The following TMEM108 variants were observed in gnomAD, a reference collection of about 807,000 sequenced individuals.
TMEM108 encodes the protein cancer/testis antigen 124.
A neutral mutation model predicts 35.1 loss-of-function variants in TMEM108; 12 were observed. The observed-to-expected ratio is 0.34, with a 90% CI of 0.22 to 0.55. The LOEUF (loss-of-function observed/expected upper bound fraction) is 0.55, where lower values mean the gene tolerates loss of function less well. Among genes scored for constraint, TMEM108 ranks in the 20% least tolerant of loss-of-function variants. TMEM108 has a pLI of 0.89. For synonymous variants in TMEM108, 287 were observed against 308.6 expected (o/e 0.93, Z 0.73); for missense variants, 680 against 753.3 (o/e 0.90, Z 1.14).
chr3:133,281,666 G>A (rs1946914674), intron 3 of TMEM108, among the ~76,000 whole-genome samples: 1 of 152,200 alleles, frequency 6.6e-6, no homozygotes, highest in Admixed American at 6.5e-5. Flanking sequence ...CGGAGGGCTG[G>A]TTCAGGGTAG....
At chr3:133,269,831 T>C (rs1490005916) in intron 3 of TMEM108, among the ~76,000 whole-genome samples, 2 of 152,144 alleles carry the variant, frequency 1.3e-5, no homozygotes, top group African/African-American at 4.8e-5. Flanking sequence ...CCTCTGGGGT[T>C]CCCAAGGAAT....
In TMEM108 at chr3:133,367,923, A is replaced by G. The variant is rs560318251; in HGVS notation, c.41-11829A>G. The stretch of plus-strand genomic sequence containing the variant: ...GGAGGATGTCAGGTCAAAAGCCCCA[A>G]TGTTCTTTTTAGGTAAGTGATTCTC... On this transcript the variant is annotated intron_variant, in intron 3 of 5. Transcript: ENST00000321871. Among the ~76,000 whole-genome samples, 10 of 152,208 alleles carry G rather than the reference A, an allele frequency of 6.6e-5. No homozygotes were observed. In the South Asian group the frequency reaches 8.3e-4, roughly 13 times the overall value.
chr3:133,203,484 T>C (rs1358515996), intron 2 of TMEM108, among the ~76,000 whole-genome samples: 1 of 152,336 alleles, frequency 6.6e-6, no homozygotes, highest in East Asian at 1.9e-4. Context: ...TCCTAGTTTA[T>C]TGAGAGTTTT....
chr3:133,386,768 A>C, intron 4 of TMEM108: 3 of 1,129,756 alleles, frequency 2.7e-6, no homozygotes, highest in Non-Finnish European at 3.3e-6. Context: ...TGTCATCTCT[A>C]TACCCTCCGG....
At chr3:133,243,196 C>A (rs1227121761) in intron 3 of TMEM108, among the ~76,000 whole-genome samples, 1 of 151,922 alleles carries the variant, frequency 6.6e-6, no homozygotes, top group Non-Finnish European at 1.5e-5. Flanking sequence ...AGGGACAGCC[C>A]CTGAGCCTGA....
chr3:133,307,248 G>A (rs1328387307), intron 3 of TMEM108, among the ~76,000 whole-genome samples: 1 of 152,124 alleles, frequency 6.6e-6, no homozygotes, highest in East Asian at 1.9e-4. Context: ...ATTTGTTTAA[G>A]TTCTTTGTAG....
intron 3 of TMEM108, among the ~76,000 whole-genome samples, chr3:133,315,508 TG>T (rs1409620457): frequency 6.6e-6 from 1 of 152,210 alleles, no homozygotes; most frequent in Admixed American, 6.5e-5. Flanking sequence ...CATGAGAGCT[TG>T]GGTCTGTGGT....
At chr3:133,358,203 G>T (rs1427135921) in intron 3 of TMEM108, among the ~76,000 whole-genome samples, 1 of 149,410 alleles carries the variant, frequency 6.7e-6, no homozygotes, top group African/African-American at 2.5e-5. Context: ...ATGAAGTCTT[G>T]CTCTGTCACC....
At chr3:133,317,771 TAGC>T (rs1472177749) in intron 3 of TMEM108, among the ~76,000 whole-genome samples, 1 of 152,176 alleles carries the variant, frequency 6.6e-6, no homozygotes, top group African/African-American at 2.4e-5. Context: ...GTTGGGGACA[TAGC>T]AGCAAACAAA....
intron 2 of TMEM108, among the ~76,000 whole-genome samples, chr3:133,095,214 A>G (rs1576315507): frequency 1.3e-5 from 2 of 152,228 alleles, no homozygotes; most frequent in African/African-American, 4.8e-5. Flanking sequence ...ATAATGGAGT[A>G]TAAGAGGATT....
intron 2 of TMEM108, among the ~76,000 whole-genome samples, chr3:133,172,231 T>C (rs1339903837): frequency 6.6e-6 from 1 of 152,304 alleles, no homozygotes; most frequent in Non-Finnish European, 1.5e-5. Context: ...GAACAAAGAT[T>C]GGACCCTGGA....
At chr3:133,235,284 T>C (rs979775605) in intron 3 of TMEM108, among the ~76,000 whole-genome samples, 2 of 151,674 alleles carry the variant, frequency 1.3e-5, no homozygotes, top group Admixed American at 6.6e-5. Context: ...AAAAAGAGCC[T>C]GCATCACCAA....
intron 3 of TMEM108, among the ~76,000 whole-genome samples, chr3:133,297,499 A>G (rs2107700301): frequency 6.6e-6 from 1 of 152,248 alleles, no homozygotes; most frequent in East Asian, 1.9e-4. Flanking sequence ...CATGATCTAG[A>G]TGATTTCTGA....
intron 2 of TMEM108, among the ~76,000 whole-genome samples, chr3:133,160,202 A>T (rs990886533): frequency 6.6e-6 from 1 of 152,186 alleles, no homozygotes; most frequent in African/African-American, 2.4e-5. Context: ...AGCCTCAGTT[A>T]AAGTCCCCAG....
chr3:133,160,172 G>C (rs1161592507), intron 2 of TMEM108, among the ~76,000 whole-genome samples: 1 of 152,216 alleles, frequency 6.6e-6, no homozygotes, highest in East Asian at 1.9e-4. Context: ...TAGGGCTGCT[G>C]CTCCTTTTGT....
chr3:133,168,586 A>T (rs1405073322), intron 2 of TMEM108, among the ~76,000 whole-genome samples: 1 of 151,938 alleles, frequency 6.6e-6, no homozygotes, highest in Non-Finnish European at 1.5e-5. Context: ...AGCACTCTGT[A>T]AAACGGACCA....
intron 3 of TMEM108, among the ~76,000 whole-genome samples, chr3:133,354,897 T>C (rs1410924716): frequency 6.6e-6 from 1 of 150,644 alleles, no homozygotes; most frequent in African/African-American, 2.4e-5. Context: ...AAAAAAAAAC[T>C]AGCTGTAGTT....
chr3:133,161,344 T>C (rs1456398301), intron 2 of TMEM108, among the ~76,000 whole-genome samples: 1 of 152,186 alleles, frequency 6.6e-6, no homozygotes, highest in Non-Finnish European at 1.5e-5. Context: ...CAGTCTAAAG[T>C]AGCCACTCTG....
intron 3 of TMEM108, among the ~76,000 whole-genome samples, chr3:133,356,703 A>G (rs2072183898): frequency 6.6e-6 from 1 of 152,214 alleles, no homozygotes; most frequent in African/African-American, 2.4e-5. Flanking sequence ...AAACCATGCA[A>G]AAACATAAAC....
Sources: allele counts gnomAD v4.1 joint callset (sites outside exome capture counted in the v4.1 genomes callset), GRCh38; gene constraint gnomAD v4.1.1; transcripts MANE v1.5; gene names NCBI Gene and HGNC (gene_info 2026-07-23, HGNC 2026-07-21).